Variants in LAMA2 observed in about 807,000 individuals in gnomAD.
LAMA2 encodes laminin subunit alpha-2.
A neutral mutation model predicts 364.8 loss-of-function variants in LAMA2; 269 were observed. The ratio of observed to expected loss-of-function variants is 0.74; its 90% CI spans 0.67 to 0.82. The LOEUF (loss-of-function observed/expected upper bound fraction) is 0.82. Ranked by LOEUF, LAMA2 falls within the 40% of genes least tolerant of loss-of-function variation. The pLI is 0.00. For synonymous variants in LAMA2, 1,379 were observed against 1,370.6 expected, an observed-to-expected ratio of 1.01 and a Z score of -0.14; for missense variants, 3,807 against 3,873.2, an observed-to-expected ratio of 0.98 and a Z score of 0.45.
intron 11 of LAMA2, among the ~76,000 whole-genome samples, chr6:129,192,104 C>CTGGTGGGTTCAAATATCCTTA (rs1369962455): frequency 6.6e-6 from 1 of 152,210 alleles, no homozygotes; most frequent in African/African-American, 2.4e-5. Context: ...AGCACCAAGG[C>CTGGTGGGTTCAAATATCCTTA]TGGTGGGTTC....
At chr6:129,184,938 G>T (rs1425932161) in intron 10 of LAMA2, among the ~76,000 whole-genome samples, 2 of 151,888 alleles carry the variant, frequency 1.3e-5, no homozygotes, top group African/African-American at 4.8e-5. Context: ...CCTTGGAAAA[G>T]TGTGTTTTAG....
intron 17 of LAMA2, among the ~76,000 whole-genome samples, chr6:129,275,833 C>G (rs1257552951): frequency 1.3e-5 from 2 of 151,262 alleles, no homozygotes; most frequent in Admixed American, 1.3e-4. Context: ...TTTATCAAAT[C>G]AATCATATTA....
At chr6:129,191,191 A>G (rs920303390) in intron 11 of LAMA2, among the ~76,000 whole-genome samples, 5 of 152,190 alleles carry the variant, frequency 3.3e-5, no homozygotes, top group Non-Finnish European at 7.4e-5. Flanking sequence ...AATTTAAGCT[A>G]AAGACTGACA....
rs12200672 is a variant in LAMA2, at chr6:129,048,555, C to T, written c.113-1363C>T. ...TTCCTTCCTTCCTTTCTTTCTTTCT[C>T]TCTCTCTCTCTCTTTCTTTCTCCTT... On this transcript the variant is annotated intron_variant, in intron 1 of 64. Coordinates refer to ENST00000421865, the MANE Select transcript of LAMA2 (RefSeq NM_000426.4). Among the ~76,000 whole-genome samples the T allele has an allele frequency of 7.4e-3, 539 of 72,476 alleles. 11 individuals are homozygous for T. The highest frequency in any genetic ancestry group is 0.019 in the African/African-American group (324 of 16,806). The allele number at this position is 72,476 out of a possible 152,430, so 47.5% of individuals were successfully genotyped here.
chr6:129,095,778 G>A (rs1775141195), intron 3 of LAMA2, among the ~76,000 whole-genome samples: 1 of 148,086 alleles, frequency 6.8e-6, no homozygotes, highest in East Asian at 2.0e-4. Flanking sequence ...AAAAAAATTA[G>A]CCAGGCGCAG....
At chr6:129,503,039 C>A in intron 59 of LAMA2, 52 bp from the exon 60 acceptor site, 7 of 1,506,798 alleles carry the variant, frequency 4.6e-6, no homozygotes, top group Non-Finnish European at 6.5e-6. Context: ...TCTATTTTAG[C>A]ATGAGAATGC....
At chr6:129,466,410 A>G (rs1346840501) in intron 51 of LAMA2, among the ~76,000 whole-genome samples, 1 of 151,924 alleles carries the variant, frequency 6.6e-6, no homozygotes, top group East Asian at 1.9e-4. Flanking sequence ...GAGTAGTGAA[A>G]GTTGTGTGAA....
At chr6:129,062,191 A>T (rs1172955148) in intron 3 of LAMA2, among the ~76,000 whole-genome samples, 1 of 152,164 alleles carries the variant, frequency 6.6e-6, no homozygotes, top group African/African-American at 2.4e-5. Flanking sequence ...CAACAGAGAA[A>T]ATGTGGACAT....
chr6:129,390,210 G>A (rs1328134044), intron 35 of LAMA2, among the ~76,000 whole-genome samples: 2 of 152,134 alleles, frequency 1.3e-5, no homozygotes, highest in Non-Finnish European at 2.9e-5. Context: ...GCTTGTTAAA[G>A]CCCAGATTGC....
At chr6:129,239,221 G>A (rs185206643) in intron 12 of LAMA2, among the ~76,000 whole-genome samples, 4 of 152,304 alleles carry the variant, frequency 2.6e-5, no homozygotes, top group Admixed American at 2.0e-4. Flanking sequence ...GAGAGACTAA[G>A]TAATTCACTC....
At position 129,464,355 on chromosome 6, in the gene LAMA2, G is replaced by T. The variant is rs548483084; in HGVS notation, c.7058G>T (p.Arg2353Leu). The change falls in exon 50 of 65, where the codon CGT (arginine) becomes CTT (leucine). Residue 2353 changes from arginine (R) to leucine (L), a missense_variant. This residue lies in a region of LAMA2 where 3,333 missense variants were observed against 3,345.7 expected (regional missense o/e 1.00). Coordinates refer to ENST00000421865, the MANE Select transcript of LAMA2 (RefSeq NM_000426.4). Reference sequence around the variant, plus strand: ...GGAGAAGGTTATGCATTGGTCAGCCGTCCCATTCGCTGGTACCCCAACATC... The same window carrying T: ...GGAGAAGGTTATGCATTGGTCAGCCTTCCCATTCGCTGGTACCCCAACATC... ...FDGEGYALVS[R>L]PIRWYPNIST... 2.5e-6 allele frequency: 4 copies of T among 1,611,652 alleles called. No homozygotes were observed. The highest frequency in any genetic ancestry group is 2.2e-5 in the East Asian group (1 of 44,810).
intron 30 of LAMA2, among the ~76,000 whole-genome samples, chr6:129,347,700 C>A (rs1300157332): frequency 6.6e-6 from 1 of 152,038 alleles, no homozygotes; most frequent in African/African-American, 2.4e-5. Context: ...AGTAGCCCTG[C>A]AGACAAAATG....
At chr6:129,424,761 A>G (rs1781245343) in intron 40 of LAMA2, among the ~76,000 whole-genome samples, 1 of 152,078 alleles carries the variant, frequency 6.6e-6, no homozygotes, top group South Asian at 2.1e-4. Context: ...GGTGATGGGA[A>G]TATAAATAGT....
chr6:129,105,140 A>T (rs183153769), intron 4 of LAMA2, among the ~76,000 whole-genome samples: 2 of 152,300 alleles, frequency 1.3e-5, no homozygotes, highest in Middle Eastern at 3.4e-3. Context: ...TGAGCAAATG[A>T]TACTGAGCTC....
intron 1 of LAMA2, among the ~76,000 whole-genome samples, chr6:128,958,854 C>T (rs1050190697): frequency 5.9e-5 from 9 of 152,070 alleles, no homozygotes; most frequent in East Asian, 1.9e-4. Flanking sequence ...CATTTACCCC[C>T]GGATTTAAAA....
At chr6:129,414,230 C>A (rs1258214235) in intron 40 of LAMA2, among the ~76,000 whole-genome samples, 1 of 151,878 alleles carries the variant, frequency 6.6e-6, no homozygotes, top group Non-Finnish European at 1.5e-5. Context: ...GTTAATACAA[C>A]AAAATAACAA....
At chr6:128,960,344 T>C (rs11154450) in intron 1 of LAMA2, among the ~76,000 whole-genome samples, 139 of 11,206 alleles carry the variant, frequency 0.012, no homozygotes, top group East Asian at 0.1. Flanking sequence ...TTTTTTTTCC[T>C]TTTTTTTTTT....
At chr6:129,434,623 T>C (rs1268754120) in intron 41 of LAMA2, among the ~76,000 whole-genome samples, 1 of 152,214 alleles carries the variant, frequency 6.6e-6, no homozygotes, top group Non-Finnish European at 1.5e-5. Context: ...TATCGATAAT[T>C]CTATGTCTTC....
intron 18 of LAMA2, among the ~76,000 whole-genome samples, chr6:129,282,354 C>T (rs935861346): frequency 1.3e-5 from 2 of 152,146 alleles, no homozygotes; most frequent in Non-Finnish European, 2.9e-5. Flanking sequence ...AGAGTTATAA[C>T]TTTATAGTCT....
Sources: allele counts gnomAD v4.1 joint callset (sites outside exome capture counted in the v4.1 genomes callset), GRCh38; gene constraint gnomAD v4.1.1; regional missense constraint gnomAD v4.1.1; transcripts MANE v1.5; gene names NCBI Gene and HGNC (gene_info 2026-07-23, HGNC 2026-07-21).